Variants in SLC4A10 observed in about 807,000 individuals in gnomAD.
The protein encoded by SLC4A10 is sodium-driven chloride bicarbonate exchanger.
SLC4A10 carries 42 observed loss-of-function variants against 137.7 expected under a neutral mutation model. The ratio of observed to expected loss-of-function variants is 0.30; its 90% CI spans 0.24 to 0.39. The LOEUF is 0.39. SLC4A10 is among the 10% of genes least tolerant of loss of function. SLC4A10 has a pLI of 1.00. For missense variants in SLC4A10, 925 were observed against 1,355.0 expected, an observed-to-expected ratio of 0.68 and a Z score of 4.98; for synonymous variants, 474 against 464.1, an observed-to-expected ratio of 1.02 and a Z score of -0.27.
rs2057300500 is a variant in SLC4A10, at chr2:161,818,294, T to C, written c.277+13699T>C. Among the ~76,000 whole-genome samples the C allele has an allele frequency of 3.3e-5, 5 of 152,198 alleles. 1 individual carries two copies. The South Asian group carries it at 1.0e-3, about 31-fold the overall frequency. ...TGGCTCTCTGTTTGTCTGTTATTGG[T>C]GTATAAGAATGCTTATGATTTTTCC... On this transcript the variant is annotated intron_variant, in intron 3 of 26. Coordinates refer to ENST00000446997, the MANE Select transcript of SLC4A10 (RefSeq NM_001178015.2).
chr2:161,944,196 A>G (rs1235454969), intron 16 of SLC4A10, among the ~76,000 whole-genome samples: 1 of 151,864 alleles, frequency 6.6e-6, no homozygotes, highest in Non-Finnish European at 1.5e-5. Context: ...TGATCAAGAA[A>G]AAACACTATA....
chr2:161,678,792 T>G (rs548903804), intron 1 of SLC4A10, among the ~76,000 whole-genome samples: 3 of 152,164 alleles, frequency 2.0e-5, no homozygotes, highest in Non-Finnish European at 4.4e-5. Flanking sequence ...TTGCATTGAG[T>G]GGTTTACTCT....
At chr2:161,898,351 A>G (rs1289051878) in intron 11 of SLC4A10, among the ~76,000 whole-genome samples, 2 of 152,144 alleles carry the variant, frequency 1.3e-5, no homozygotes, top group Admixed American at 6.6e-5. Context: ...GCATAGTTCT[A>G]TACAACAAAT....
rs1000964005 is a variant in SLC4A10 at position 161,638,687 on chromosome 2, A to C, written c.48+14121A>C. On this transcript the variant is annotated intron_variant, in intron 1 of 26. Coordinates refer to ENST00000446997, the MANE Select transcript of SLC4A10 (RefSeq NM_001178015.2). ...TCATTGGTATTTTGATAGGGATTAC[A>C]TTAATTCTGTAGATTGCTTTGAGTA... Among the ~76,000 whole-genome samples the C allele has an allele frequency of 3.3e-5, 5 of 152,070 alleles. No individual in the cohort carries two copies. The South Asian group carries it at 8.3e-4, about 25-fold the overall frequency.
At chr2:161,860,882 A>G (rs1357894133) in intron 5 of SLC4A10, among the ~76,000 whole-genome samples, 1 of 152,216 alleles carries the variant, frequency 6.6e-6, no homozygotes, top group African/African-American at 2.4e-5. Flanking sequence ...CATTTGAGCT[A>G]AGAATGGTGA....
At chr2:161,717,852 G>A (rs367739125) in intron 1 of SLC4A10, among the ~76,000 whole-genome samples, 3 of 152,180 alleles carry the variant, frequency 2.0e-5, no homozygotes, top group African/African-American at 7.2e-5. Flanking sequence ...GTTTGGAATA[G>A]TTTCAGAAGA....
intron 2 of SLC4A10, among the ~76,000 whole-genome samples, chr2:161,801,696 A>T (rs1338148028): frequency 6.6e-6 from 1 of 152,124 alleles, no homozygotes; most frequent in African/African-American, 2.4e-5. Context: ...TTAAACTCTA[A>T]AGGGAGAGAA....
chr2:161,814,829 C>T (rs2056897673), intron 3 of SLC4A10, among the ~76,000 whole-genome samples: 1 of 152,052 alleles, frequency 6.6e-6, no homozygotes, highest in African/African-American at 2.4e-5. Flanking sequence ...ATACTGCCCA[C>T]TACTTGGGGG....
intron 1 of SLC4A10, among the ~76,000 whole-genome samples, chr2:161,626,987 A>G (rs2032519045): frequency 6.6e-6 from 1 of 152,100 alleles, no homozygotes; most frequent in African/African-American, 2.4e-5. Flanking sequence ...AAACACTGCT[A>G]TTTATTTGTT....
chr2:161,933,446 A>G (rs1690983130), intron 15 of SLC4A10, among the ~76,000 whole-genome samples: 1 of 149,916 alleles, frequency 6.7e-6, no homozygotes, highest in East Asian at 2.0e-4. Flanking sequence ...CCCAGTGAGT[A>G]CAGTGGCACA....
chr2:161,868,919 T>C (rs10179404), intron 6 of SLC4A10, among the ~76,000 whole-genome samples: 49,239 of 151,330 alleles, frequency 0.33, 8,332 homozygotes, highest in Admixed American at 0.4. Context: ...ACAGAAATAA[T>C]TGAACATTGC....
intron 15 of SLC4A10, among the ~76,000 whole-genome samples, chr2:161,935,125 C>A (rs1400105440): frequency 3.9e-5 from 6 of 152,112 alleles, no homozygotes; most frequent in Non-Finnish European, 2.9e-5. Context: ...TGTCCCAACA[C>A]CATTTGTTGA....
At chr2:161,899,258 T>G (rs1037123988) in intron 11 of SLC4A10, among the ~76,000 whole-genome samples, 4 of 152,086 alleles carry the variant, frequency 2.6e-5, no homozygotes, top group Admixed American at 2.6e-4. Flanking sequence ...CATACAATAC[T>G]ATTAAATTTA....
At chr2:161,943,341 A>C (rs913791545) in intron 16 of SLC4A10, among the ~76,000 whole-genome samples, 9 of 152,042 alleles carry the variant, frequency 5.9e-5, no homozygotes, top group African/African-American at 2.2e-4. Context: ...GGGAGGAACA[A>C]ATATCACTTT....
rs540901614 is a variant in SLC4A10 at position 161,846,785 on chromosome 2, G to C, written c.416+6858G>C. ...ACCGTCAAAATAACAAAAGTATGGT[G>C]ATGAAGAATAGATTAGTGGTTTCCA... On this transcript the variant is annotated intron_variant, in intron 4 of 26. Transcript: ENST00000446997. Among the ~76,000 whole-genome samples, 24 of 152,310 alleles carry C rather than the reference G, an allele frequency of 1.6e-4. No individual in the cohort carries two copies. The South Asian group carries it at 5.0e-3, about 32-fold the overall frequency.
At chr2:161,654,616 C>T (rs1308204598) in intron 1 of SLC4A10, among the ~76,000 whole-genome samples, 1 of 152,098 alleles carries the variant, frequency 6.6e-6, no homozygotes, top group Non-Finnish European at 1.5e-5. Context: ...TTTTCCATCA[C>T]CATTTGTTGA....
intron 10 of SLC4A10, among the ~76,000 whole-genome samples, chr2:161,883,246 T>C (rs1160171106): frequency 6.6e-6 from 1 of 152,166 alleles, no homozygotes; most frequent in Non-Finnish European, 1.5e-5. Context: ...CTTCTAGATT[T>C]CATCTAAATA....
chr2:161,796,969 G>A (rs1335008438), intron 2 of SLC4A10, among the ~76,000 whole-genome samples: 1 of 151,998 alleles, frequency 6.6e-6, no homozygotes, highest in Non-Finnish European at 1.5e-5. Flanking sequence ...CAAAGTGACA[G>A]GTCTGTTCAG....
chr2:161,638,301 T>C (rs754729922), intron 1 of SLC4A10, among the ~76,000 whole-genome samples: 4 of 152,182 alleles, frequency 2.6e-5, no homozygotes, highest in Non-Finnish European at 5.9e-5. Flanking sequence ...TTTGAGTTGA[T>C]TTTTGTATAT....
Sources: allele counts gnomAD v4.1 joint callset (sites outside exome capture counted in the v4.1 genomes callset), GRCh38; gene constraint gnomAD v4.1.1; transcripts MANE v1.5; gene names NCBI Gene and HGNC (gene_info 2026-07-23, HGNC 2026-07-21).